Variants in UBE2D3 observed in about 807,000 individuals in gnomAD.
UBE2D3 encodes ubiquitin-conjugating enzyme E2 D3.
In UBE2D3, 2 loss-of-function variants were observed where a neutral mutation model predicts 22.8. The observed-to-expected ratio is 0.09, with a 90% CI of 0.04 to 0.28. The LOEUF (loss-of-function observed/expected upper bound fraction) is 0.28, where lower values mean the gene tolerates loss of function less well. Ranked by LOEUF, UBE2D3 falls within the 10% of genes least tolerant of loss-of-function variation. The pLI is 1.00. For missense variants in UBE2D3, 27 were observed against 182.5 expected, an observed-to-expected ratio of 0.15 and a Z score of 4.91; for synonymous variants, 56 against 60.4, an observed-to-expected ratio of 0.93 and a Z score of 0.34.
chr4:102,842,110 CTTT>C (rs1386033165), intron 1 of UBE2D3, among the ~76,000 whole-genome samples: 3 of 152,044 alleles, frequency 2.0e-5, no homozygotes, highest in South Asian at 4.1e-4. Flanking sequence ...GTTTAACCTT[CTTT>C]GAGTTTCAAG....
chr4:102,834,643 G>A (rs529942956), intron 1 of UBE2D3, among the ~76,000 whole-genome samples: 1 of 152,010 alleles, frequency 6.6e-6, no homozygotes, highest in Admixed American at 6.5e-5. Context: ...CACATACTAG[G>A]GAGGCTGAGG....
At chr4:102,809,455 G>A (rs1263526141) in intron 4 of UBE2D3, 1 of 558,930 alleles carries the variant, frequency 1.8e-6, no homozygotes, top group African/African-American at 1.9e-5. Flanking sequence ...CATAGAGATG[G>A]CTATACTCTA....
chr4:102,828,383 A>G (rs1017319700), upstream of UBE2D3, among the ~76,000 whole-genome samples: 3 of 151,692 alleles, frequency 2.0e-5, no homozygotes, highest in African/African-American at 7.3e-5. Flanking sequence ...GCCCCTCGAG[A>G]TGGGAATAGT....
intron 1 of UBE2D3, chr4:102,827,152 C>G: frequency 3.0e-6 from 3 of 986,884 alleles, no homozygotes. Flanking sequence ...CGTACACTCA[C>G]TCCGCCTTCC....
intron 2 of UBE2D3, among the ~76,000 whole-genome samples, chr4:102,820,526 A>T (rs1729439045): frequency 6.6e-6 from 1 of 152,356 alleles, no homozygotes; most frequent in South Asian, 2.1e-4. Context: ...TGAAACAAGC[A>T]TGCGTGTTCA....
At chr4:102,825,674 G>A (rs1217764487) in intron 2 of UBE2D3, 2 of 872,332 alleles carry the variant, frequency 2.3e-6, no homozygotes, top group Non-Finnish European at 1.6e-6. Flanking sequence ...CACATTTCAA[G>A]TAACGAAACA....
Position 102,850,626 on chromosome 4 carries a change from C to T in UBE2D3, c.-129+18089G>A, listed in dbSNP as rs1732292761. 3.3e-5 allele frequency among the ~76,000 whole-genome samples: 5 copies of T among 152,158 alleles called. No individual in the cohort carries two copies. In the South Asian group the frequency reaches 1.0e-3, roughly 32 times the overall value. On this transcript the variant is annotated intron_variant, in intron 1 of 7. Coordinates refer to the UBE2D3 transcript ENST00000338145. Reference sequence around the variant, plus strand: ...AGAGCAGAAGAGTGACTCGGTCAGACTTGTATCTACCTACCACAAATTTAA... The same window carrying T: ...AGAGCAGAAGAGTGACTCGGTCAGATTTGTATCTACCTACCACAAATTTAA...
At chr4:102,850,685 T>C (rs949300721) in intron 1 of UBE2D3, among the ~76,000 whole-genome samples, 6 of 152,158 alleles carry the variant, frequency 3.9e-5, no homozygotes, top group African/African-American at 9.7e-5. Flanking sequence ...TGAACAAATA[T>C]GAAAATTTAT....
chr4:102,821,144 T>C (rs1439356383), intron 2 of UBE2D3, among the ~76,000 whole-genome samples: 1 of 152,176 alleles, frequency 6.6e-6, no homozygotes, highest in Non-Finnish European at 1.5e-5. Flanking sequence ...ATAACACTGC[T>C]ATGGTAGCAA....
upstream of UBE2D3, chr4:102,827,616 G>C: frequency 1.0e-6 from 1 of 986,950 alleles, no homozygotes; most frequent in South Asian, 4.7e-5. Flanking sequence ...GGATCAGTCC[G>C]CCAACGCCGC....
rs1731307679 is a variant in UBE2D3, at chr4:102,834,881, G to A, written c.-128-8245C>T. Among the ~76,000 whole-genome samples, 9 of 151,686 alleles carry A rather than the reference G, an allele frequency of 5.9e-5. 1 individual carries two copies. The South Asian group carries it at 1.7e-3, about 28-fold the overall frequency. ...GAAGCCTCTGCCTCCAGGGCTCAAG[G>A]AGTCCTCCCACCTCAGCCTCCTGAG... On this transcript the variant is annotated intron_variant, in intron 1 of 7. Transcript: ENST00000338145.
At chr4:102,799,208 C>T (rs1311774260) in intron 7 of UBE2D3, among the ~76,000 whole-genome samples, 199 bp downstream of exon 7, 1 of 151,314 alleles carries the variant, frequency 6.6e-6, no homozygotes, top group Admixed American at 6.6e-5. Context: ...AACAATAAAA[C>T]ATTTTAGAGG....
intron 2 of UBE2D3, chr4:102,825,431 C>T (rs1016746268): frequency 3.5e-6 from 4 of 1,131,656 alleles, no homozygotes; most frequent in Admixed American, 9.1e-5. Flanking sequence ...TAGAGCAGTG[C>T]ACAACGCGAT....
At chr4:102,829,127 C>T (rs1730963056), upstream of UBE2D3, among the ~76,000 whole-genome samples, 1 of 152,196 alleles carries the variant, frequency 6.6e-6, no homozygotes, top group African/African-American at 2.4e-5. Flanking sequence ...AAACTAGTGT[C>T]CATAGGAACC....
At chr4:102,863,187 A>AT (rs1288477231) in intron 1 of UBE2D3, among the ~76,000 whole-genome samples, 1 of 151,524 alleles carries the variant, frequency 6.6e-6, no homozygotes, top group Non-Finnish European at 1.5e-5. Flanking sequence ...AGTAGCTGGG[A>AT]TTACAGGTGT....
In UBE2D3 at chr4:102,807,964, A is replaced by G. The variant is rs931176699; in HGVS notation, c.120+1708T>C. On this transcript the variant is annotated intron_variant, in intron 4 of 7. Coordinates refer to ENST00000453744, the MANE Select transcript of UBE2D3 (RefSeq NM_181891.3). ...ATCCAATTAGAAGTTTTAATTACCA[A>G]CGCTTCTGTGCTTTCTTAGTATTGA... Among the ~76,000 whole-genome samples the G allele has an allele frequency of 3.3e-5, 5 of 152,216 alleles. No individual in the cohort carries two copies. In the East Asian group the frequency reaches 7.7e-4, roughly 23 times the overall value.
intron 1 of UBE2D3, among the ~76,000 whole-genome samples, chr4:102,839,129 C>CA (rs1310044183): frequency 4.6e-5 from 7 of 152,054 alleles, no homozygotes. Flanking sequence ...ATGGCTGTTA[C>CA]AATTAAATTT....
At chr4:102,868,600 C>T (rs1158781043) in intron 1 of UBE2D3, 2 of 1,365,902 alleles carry the variant, frequency 1.5e-6, no homozygotes, top group African/African-American at 2.9e-5. Flanking sequence ...GCACTGGGGT[C>T]TGGGTAGGGG....
intron 4 of UBE2D3, among the ~76,000 whole-genome samples, chr4:102,807,978 T>C (rs1727334712): frequency 6.6e-6 from 1 of 152,248 alleles, no homozygotes; most frequent in South Asian, 2.1e-4. Context: ...TTCTGTGCTT[T>C]CTTAGTATTG....
Sources: allele counts gnomAD v4.1 joint callset (sites outside exome capture counted in the v4.1 genomes callset), GRCh38; gene constraint gnomAD v4.1.1; transcripts MANE v1.5; gene names NCBI Gene and HGNC (gene_info 2026-07-23, HGNC 2026-07-21).